MARCHF3: variants seen among roughly 807,000 people sequenced by gnomAD.
MARCHF3 encodes the protein E3 ubiquitin-protein ligase MARCHF3.
A neutral mutation model predicts 24.2 loss-of-function variants in MARCHF3; 13 were observed. That is an observed-to-expected ratio of 0.54 (90% CI 0.35 to 0.85). MARCHF3 has a LOEUF of 0.85. Ranked by LOEUF, MARCHF3 falls within the 40% of genes least tolerant of loss-of-function variation. The probability of loss-of-function intolerance (pLI) is 0.01; values close to 1 mark genes in which losing one functional copy is unlikely to be tolerated. For missense variants in MARCHF3, 276 were observed against 325.0 expected, an observed-to-expected ratio of 0.85 and a Z score of 1.16; for synonymous variants, 144 against 137.3, an observed-to-expected ratio of 1.05 and a Z score of -0.34.
chr5:127,003,323 C>T (rs1421155166), intron 1 of MARCHF3, among the ~76,000 whole-genome samples: 1 of 151,326 alleles, frequency 6.6e-6, no homozygotes, highest in Non-Finnish European at 1.5e-5. Flanking sequence ...AAAAATTAGC[C>T]GGGCGTGGTG....
intron 3 of MARCHF3, among the ~76,000 whole-genome samples, chr5:126,895,595 C>CT (rs1753856124): frequency 6.6e-6 from 1 of 152,080 alleles, no homozygotes; most frequent in South Asian, 2.1e-4. Flanking sequence ...TGTGCCCCTG[C>CT]TGGGGGGTGC....
At chr5:126,909,697 C>G (rs1197094104) in intron 3 of MARCHF3, among the ~76,000 whole-genome samples, 2 of 152,144 alleles carry the variant, frequency 1.3e-5, no homozygotes, top group African/African-American at 2.4e-5. Flanking sequence ...ACCCACTGAC[C>G]TGGGCCCACT....
At chr5:126,928,182 G>A (rs529193029) in intron 1 of MARCHF3, among the ~76,000 whole-genome samples, 18 of 152,264 alleles carry the variant, frequency 1.2e-4, no homozygotes, top group African/African-American at 3.9e-4. Context: ...AATCTCTAGC[G>A]TGTCACAAAT....
Position 126,949,567 on chromosome 5 carries a change from AC to A in MARCHF3, c.-56-31341del, listed in dbSNP as rs146405351. Among the ~76,000 whole-genome samples, 877 of 152,236 alleles carry A rather than the reference AC, an allele frequency of 5.8e-3. 4 individuals carry two copies. Among genetic ancestry groups the A allele is most frequent in the Middle Eastern group, 0.01 (3 of 294 alleles). ...TACTCCATCTCTCTCCCTTCCAGCA[AC>A]CCTTCATCTGAGACCCAGCCCTTGA... is the stretch of plus-strand genomic sequence containing the variant. On this transcript the variant is annotated intron_variant, in intron 1 of 4. Coordinates refer to ENST00000308660, the MANE Select transcript of MARCHF3 (RefSeq NM_178450.5).
intron 1 of MARCHF3, among the ~76,000 whole-genome samples, chr5:127,007,261 T>C (rs1379252593): frequency 6.6e-6 from 1 of 152,042 alleles, no homozygotes; most frequent in Admixed American, 6.6e-5. Context: ...TAGATGTTAT[T>C]TTCAACATAT....
At chr5:126,980,283 C>T (rs1751352139) in intron 1 of MARCHF3, among the ~76,000 whole-genome samples, 1 of 151,988 alleles carries the variant, frequency 6.6e-6, no homozygotes, top group South Asian at 2.1e-4. Flanking sequence ...ACTCCTTGGC[C>T]CAGGGTGACT....
intron 4 of MARCHF3, among the ~76,000 whole-genome samples, chr5:126,873,839 A>G (rs1753054322): frequency 6.6e-6 from 1 of 152,234 alleles, no homozygotes; most frequent in South Asian, 2.1e-4. Flanking sequence ...AAATAAAGGC[A>G]AGTTGAGCAC....
At chr5:126,887,454 G>T (rs973765664) in intron 3 of MARCHF3, among the ~76,000 whole-genome samples, 7 of 152,144 alleles carry the variant, frequency 4.6e-5, no homozygotes, top group Non-Finnish European at 8.8e-5. Context: ...TATTAGATCT[G>T]CTACAAAAGT....
At chr5:126,888,241 C>G (rs932109406) in intron 3 of MARCHF3, among the ~76,000 whole-genome samples, 1 of 152,202 alleles carries the variant, frequency 6.6e-6, no homozygotes, top group Non-Finnish European at 1.5e-5. Flanking sequence ...CAGCTGTGAT[C>G]TGGCTGAAGC....
At chr5:126,878,153 TG>T in intron 4 of MARCHF3, 31 bp downstream of exon 4, 1 of 1,604,342 alleles carries the variant, frequency 6.2e-7, no homozygotes, top group Non-Finnish European at 8.5e-7. Context: ...CAGCTCCAAA[TG>T]GCCTGAACCC....
intron 1 of MARCHF3, among the ~76,000 whole-genome samples, chr5:127,006,549 G>A (rs907498551): frequency 2.0e-5 from 3 of 151,978 alleles, no homozygotes; most frequent in East Asian, 1.9e-4. Context: ...AATTCATTAC[G>A]TTTAGTATTT....
At chr5:126,997,573 C>T (rs1751989986) in intron 1 of MARCHF3, among the ~76,000 whole-genome samples, 2 of 152,174 alleles carry the variant, frequency 1.3e-5, no homozygotes, top group South Asian at 4.1e-4. Flanking sequence ...ACTGATACCC[C>T]AAGGTCGAAA....
chr5:126,984,049 G>A (rs1003932102), intron 1 of MARCHF3, among the ~76,000 whole-genome samples: 3 of 151,686 alleles, frequency 2.0e-5, no homozygotes, highest in East Asian at 1.9e-4. Flanking sequence ...GGGGTGGGGG[G>A]ATATTATGCA....
chr5:126,989,823 T>C (rs529500074), intron 1 of MARCHF3, among the ~76,000 whole-genome samples: 16 of 152,194 alleles, frequency 1.1e-4, no homozygotes, highest in Non-Finnish European at 1.6e-4. Flanking sequence ...TCAAGCTGCT[T>C]TTATTGAAAA....
At chr5:126,992,773 T>G (rs1356077394) in intron 1 of MARCHF3, among the ~76,000 whole-genome samples, 1 of 145,340 alleles carries the variant, frequency 6.9e-6, no homozygotes, top group African/African-American at 2.6e-5. Context: ...GTGATTTTTT[T>G]TTTTTTTTTT....
chr5:126,929,111 C>G (rs986590636), intron 1 of MARCHF3, among the ~76,000 whole-genome samples: 1 of 152,208 alleles, frequency 6.6e-6, no homozygotes, highest in Non-Finnish European at 1.5e-5. Flanking sequence ...TCACATCGGC[C>G]TCTCCCTTTC....
At chr5:126,982,823 T>G (rs1006276114) in intron 1 of MARCHF3, among the ~76,000 whole-genome samples, 2 of 151,674 alleles carry the variant, frequency 1.3e-5, no homozygotes, top group African/African-American at 4.9e-5. Flanking sequence ...GAGATGGGAG[T>G]TGAATTGGGG....
intron 1 of MARCHF3, among the ~76,000 whole-genome samples, chr5:127,013,430 T>C (rs1488752261): frequency 6.6e-6 from 1 of 152,120 alleles, no homozygotes; most frequent in Non-Finnish European, 1.5e-5. Flanking sequence ...ATAGACCATG[T>C]ACCCATTTAA....
chr5:126,943,907 G>C (rs1020978472), intron 1 of MARCHF3, among the ~76,000 whole-genome samples: 2 of 151,992 alleles, frequency 1.3e-5, no homozygotes, highest in Admixed American at 1.3e-4. Flanking sequence ...TGCTTCCCGG[G>C]TTCAAGCAAT....
Sources: gnomAD v4.1 joint callset for allele counts (sites outside exome capture counted in the v4.1 genomes callset) on GRCh38, gnomAD v4.1.1 for gene constraint, MANE v1.5 for transcripts, NCBI Gene and HGNC (gene_info 2026-07-23, HGNC 2026-07-21) for gene names.